SUGCT: variants seen among roughly 807,000 people sequenced by gnomAD.
The protein encoded by SUGCT is succinyl-CoA:glutarate-CoA transferase, also known as succinyl-CoA:glutarate CoA-transferase.
Under a neutral mutation model 55.0 loss-of-function variants are expected in SUGCT, and 41 were observed. The ratio of observed to expected loss-of-function variants is 0.74; its 90% CI spans 0.58 to 0.97. SUGCT has a LOEUF of 0.97. SUGCT is among the 50% of genes least tolerant of loss of function. The pLI is 0.00. For synonymous variants in SUGCT, 187 were observed against 200.4 expected (o/e 0.93, Z 0.56); for missense variants, 568 against 547.8 (o/e 1.04, Z -0.37).
chr7:40,750,886 G>GATACTC (rs1787980159), intron 13 of SUGCT, among the ~76,000 whole-genome samples: 1 of 152,138 alleles, frequency 6.6e-6, no homozygotes, highest in South Asian at 2.1e-4. Flanking sequence ...CTGTATTACT[G>GATACTC]AGTATATACT....
At chr7:40,444,356 C>T (rs981537083) in intron 9 of SUGCT, among the ~76,000 whole-genome samples, 9 of 152,220 alleles carry the variant, frequency 5.9e-5, no homozygotes, top group East Asian at 1.9e-4. Context: ...TATCCATGAG[C>T]GTGGAATGTT....
At chr7:40,425,831 T>C (rs945369204) in intron 9 of SUGCT, among the ~76,000 whole-genome samples, 1 of 152,142 alleles carries the variant, frequency 6.6e-6, no homozygotes, top group Admixed American at 6.6e-5. Flanking sequence ...AGTAGTGGGA[T>C]AGCAGATTCA....
intron 9 of SUGCT, among the ~76,000 whole-genome samples, chr7:40,340,018 A>G (rs1796958903): frequency 6.6e-6 from 1 of 152,170 alleles, no homozygotes; most frequent in Non-Finnish European, 1.5e-5. Context: ...TTTGCCTGGG[A>G]TATCAGGAGC....
intron 12 of SUGCT, among the ~76,000 whole-genome samples, chr7:40,682,903 G>A (rs961786395): frequency 1.1e-4 from 17 of 152,214 alleles, no homozygotes; most frequent in East Asian, 9.7e-4. Context: ...GAAAAGATAT[G>A]TTTGAAAATG....
chr7:40,319,793 G>T (rs1432830229), intron 9 of SUGCT, among the ~76,000 whole-genome samples: 1 of 152,098 alleles, frequency 6.6e-6, no homozygotes, highest in Non-Finnish European at 1.5e-5. Context: ...CATGTTGGTG[G>T]ATGCTTTTCT....
chr7:40,179,024 T>C (rs934491054), intron 1 of SUGCT, among the ~76,000 whole-genome samples: 1 of 152,146 alleles, frequency 6.6e-6, no homozygotes, highest in Non-Finnish European at 1.5e-5. Flanking sequence ...TATTTTTAAG[T>C]GTCAAGGGCC....
chr7:40,262,269 G>A (rs1791265810), intron 7 of SUGCT, among the ~76,000 whole-genome samples: 1 of 152,026 alleles, frequency 6.6e-6, no homozygotes, highest in African/African-American at 2.4e-5. Context: ...CTCCCTGAAC[G>A]TGCCCATCCT....
chr7:40,154,101 A>T, intron 1 of SUGCT: 1 of 234,150 alleles, frequency 4.3e-6, no homozygotes, highest in Non-Finnish European at 9.1e-6. Context: ...TTTGAAATGT[A>T]CACCTCAAGC....
chr7:40,360,273 CA>C (rs1798088062), intron 9 of SUGCT, among the ~76,000 whole-genome samples: 1 of 152,220 alleles, frequency 6.6e-6, no homozygotes, highest in African/African-American at 2.4e-5. Flanking sequence ...CTTGGCCTCC[CA>C]AAGTGTTGGG....
intron 9 of SUGCT, among the ~76,000 whole-genome samples, chr7:40,337,208 G>C (rs1049027042): frequency 1.3e-5 from 2 of 152,152 alleles, no homozygotes; most frequent in African/African-American, 4.8e-5. Context: ...GTGGTGCTGA[G>C]AAGAATGTAT....
the SUGCT span, among the ~76,000 whole-genome samples, chr7:40,959,186 G>A: frequency 0.051 from 7,741 of 152,294 alleles, 298 homozygotes; most frequent in South Asian, 0.16. Context: ...TTATCAGAGC[G>A]TGAGCGCTGT....
chr7:40,832,364 G>A (rs569907340), intron 13 of SUGCT, among the ~76,000 whole-genome samples: 1 of 152,134 alleles, frequency 6.6e-6, no homozygotes, highest in African/African-American at 2.4e-5. Flanking sequence ...ATATTGTTGT[G>A]AAAACACTGT....
intron 6 of SUGCT, among the ~76,000 whole-genome samples, chr7:40,228,525 T>C (rs1392826331): frequency 6.6e-6 from 1 of 151,906 alleles, no homozygotes; most frequent in Non-Finnish European, 1.5e-5. Flanking sequence ...TGTTGTTTTG[T>C]TTTTTTGGCC....
chr7:40,872,087 T>C, the SUGCT span, among the ~76,000 whole-genome samples: 1 of 152,130 alleles, frequency 6.6e-6, no homozygotes, highest in Non-Finnish European at 1.5e-5. Flanking sequence ...TAGTGGGTAC[T>C]GATAAACATC....
chr7:40,183,895 C>G (rs893452382), intron 3 of SUGCT, among the ~76,000 whole-genome samples: 7 of 152,000 alleles, frequency 4.6e-5, no homozygotes, highest in Non-Finnish European at 8.8e-5. Flanking sequence ...CATTGTTGGC[C>G]GGGCATGGTG....
intron 7 of SUGCT, among the ~76,000 whole-genome samples, chr7:40,239,071 G>A (rs550614651): frequency 4.6e-5 from 7 of 152,144 alleles, no homozygotes; most frequent in African/African-American, 1.7e-4. Flanking sequence ...CAATCCCAGT[G>A]CTAGGATTAC....
At chr7:41,000,988 T>G in the SUGCT span, among the ~76,000 whole-genome samples, 1 of 152,262 alleles carries the variant, frequency 6.6e-6, no homozygotes, top group East Asian at 1.9e-4. Context: ...AAGAGTGGCA[T>G]CAAAATTCTT....
chr7:40,341,661 AGT>A (rs2151178097), intron 9 of SUGCT, among the ~76,000 whole-genome samples: 1 of 152,328 alleles, frequency 6.6e-6, no homozygotes, highest in Non-Finnish European at 1.5e-5. Flanking sequence ...GGGAGGATCC[AGT>A]ACTGTGAGAA....
intron 1 of SUGCT, among the ~76,000 whole-genome samples, chr7:40,158,524 G>T (rs1015486495): frequency 3.9e-5 from 6 of 152,206 alleles, no homozygotes; most frequent in Admixed American, 1.3e-4. Flanking sequence ...GCCGAGGCAG[G>T]CAGATCACCT....
Sources: gnomAD v4.1 joint callset for allele counts (sites outside exome capture counted in the v4.1 genomes callset) on GRCh38, gnomAD v4.1.1 for gene constraint, MANE v1.5 for transcripts, NCBI Gene and HGNC (gene_info 2026-07-23, HGNC 2026-07-21) for gene names.